Variants in DUSP16 observed in about 807,000 individuals in gnomAD.
The protein encoded by DUSP16 is dual specificity phosphatase 16.
A neutral mutation model predicts 58.3 loss-of-function variants in DUSP16; 21 were observed. The observed-to-expected ratio is 0.36, with a 90% CI of 0.26 to 0.52. The LOEUF (loss-of-function observed/expected upper bound fraction) is 0.52. DUSP16 is among the 20% of genes least tolerant of loss of function. The pLI is 0.94. For synonymous variants in DUSP16, 320 were observed against 323.8 expected (o/e 0.99, Z 0.12); for missense variants, 726 against 819.0 (o/e 0.89, Z 1.39).
intron 4 of DUSP16, among the ~76,000 whole-genome samples, chr12:12,490,553 G>A (rs532131355): frequency 9.2e-5 from 14 of 152,228 alleles, no homozygotes; most frequent in Admixed American, 7.8e-4. Context: ...ATACATACTC[G>A]AAACATCATT....
chr12:12,476,823 G>A lies in DUSP16; in HGVS notation c.*10C>T, dbSNP rs1358532160. On this transcript the variant is annotated 3_prime_UTR_variant, in exon 7 of 7. Coordinates refer to ENST00000298573, the MANE Select transcript of DUSP16 (RefSeq NM_030640.3). ...AAAATTGTCTATAGAAGTCACAAGTGTCTTTCTTCTCAGGAGACCTCAATG... is the reference window on the plus strand; with the variant it reads ...AAAATTGTCTATAGAAGTCACAAGTATCTTTCTTCTCAGGAGACCTCAATG... 3 of 1,567,564 alleles carry A rather than the reference G, an allele frequency of 1.9e-6. No homozygotes were observed. The highest frequency in any genetic ancestry group is 2.6e-6 in the Non-Finnish European group (3 of 1,163,682).
intron 1 of DUSP16, among the ~76,000 whole-genome samples, chr12:12,561,708 G>T (rs927468084): frequency 2.0e-4 from 30 of 152,188 alleles, no homozygotes; most frequent in African/African-American, 6.3e-4. Context: ...GGCGTGTTGT[G>T]TAACAGTCGC....
intron 4 of DUSP16, among the ~76,000 whole-genome samples, chr12:12,492,959 C>G (rs1251786781): frequency 2.0e-5 from 3 of 152,188 alleles, no homozygotes; most frequent in Non-Finnish European, 4.4e-5. Context: ...GGGTCATTCT[C>G]AACTCCCCAG....
rs138331584 is a variant in DUSP16 at position 12,477,809 on chromosome 12, C to A, written c.1022G>T (p.Cys341Phe). Residue 341 changes from cysteine to phenylalanine, a missense_variant, in exon 7 of 7, where the codon TGT (cysteine) becomes TTT (phenylalanine). By Grantham distance (205) the Cys-to-Phe change is radical. Coordinates refer to ENST00000298573, the MANE Select transcript of DUSP16 (RefSeq NM_030640.3). This position sits in a 1 kb window ranked among gnomAD's most constrained non-coding sequence, Gnocchi z 4.1. ...TGCCTCTGAGGTAGCAGAGTCGGCA[C>A]AGGGTGGACTGAGGGGCGTCTCGCT... ...QKSETPLSPP[C>F]ADSATSEAAG... is the part of the protein sequence containing the mutation. The A allele has an allele frequency of 1.2e-6, 2 of 1,613,942 alleles. No homozygotes were observed. The highest frequency in any genetic ancestry group is 3.3e-5 in the Admixed American group (2 of 59,984).
intron 3 of DUSP16, among the ~76,000 whole-genome samples, chr12:12,517,791 T>C (rs1268196419): frequency 1.3e-5 from 2 of 152,236 alleles, no homozygotes; most frequent in Admixed American, 1.3e-4. Context: ...GTGCTACTAA[T>C]ACATTTAATG....
chr12:12,496,403 G>T (rs1943828297), intron 4 of DUSP16, among the ~76,000 whole-genome samples: 1 of 152,160 alleles, frequency 6.6e-6, no homozygotes, highest in African/African-American at 2.4e-5. Context: ...TCTTCCTACT[G>T]TGTACCAGGC....
In DUSP16 at chr12:12,500,626, G is replaced by C; in HGVS notation, c.424C>G (p.Leu142Val). ...GGCTGAGAAATGCAGGTAGGGACTAGAGTGGATTTTCCTTCACAGAGGCCA... is the reference window on the plus strand; with the variant it reads ...GGCTGAGAAATGCAGGTAGGGACTACAGTGGATTTTCCTTCACAGAGGCCA... The part of the protein sequence containing the change: ...FPGLCEGKST[L>V]VPTCISQPCL... Residue 142 changes from leucine to valine, a missense_variant, in exon 4 of 7, where the codon CTA becomes GTA. Transcript: ENST00000298573. The C allele has an allele frequency of 6.2e-7, 1 of 1,609,956 alleles. No homozygotes were observed. Among genetic ancestry groups the C allele is most frequent in the Non-Finnish European group, 8.5e-7 (1 of 1,178,294 alleles).
intron 3 of DUSP16, among the ~76,000 whole-genome samples, chr12:12,509,515 G>C (rs148251875): frequency 6.6e-6 from 1 of 151,496 alleles, no homozygotes. Flanking sequence ...CTTGAGCAGC[G>C]TATCTAGACA....
chr12:12,479,882 T>TCTC (rs920526857), intron 6 of DUSP16, among the ~76,000 whole-genome samples: 2 of 152,142 alleles, frequency 1.3e-5, no homozygotes, highest in African/African-American at 4.8e-5. Flanking sequence ...TATTAGAGCT[T>TCTC]CCCCCCATCA....
rs1161915798 is a variant in DUSP16 at position 12,480,294 on chromosome 12, G to C, written c.744C>G (p.Ile248Met). Residue 248 changes from isoleucine to methionine, a missense_variant, in exon 6 of 7, where the codon ATC becomes ATG. Transcript: ENST00000298573. Reference protein sequence around the residue: ...GCVLVHCLAGISRSATIAIAY... With the variant: ...GCVLVHCLAGMSRSATIAIAY... ...CGATAGCGATGGTGGCGGAGCGGGA[G>C]ATCCCAGCTAAACAGTGCACTAGAA... The C allele has an allele frequency of 6.2e-7, 1 of 1,614,198 alleles. No homozygotes were observed. The highest frequency in any genetic ancestry group is 1.1e-5 in the South Asian group (1 of 91,084).
At chr12:12,497,016 A>G (rs1438917788) in intron 4 of DUSP16, among the ~76,000 whole-genome samples, 1 of 152,226 alleles carries the variant, frequency 6.6e-6, no homozygotes, top group Admixed American at 6.5e-5. Flanking sequence ...ATGGCTACTG[A>G]GCACCTAAAA....
intron 3 of DUSP16, among the ~76,000 whole-genome samples, chr12:12,511,002 G>A (rs1474013384): frequency 6.6e-6 from 1 of 152,172 alleles, no homozygotes; most frequent in African/African-American, 2.4e-5. Context: ...GCCACTGCAG[G>A]GCCTTGTGAA....
intron 3 of DUSP16, among the ~76,000 whole-genome samples, chr12:12,515,762 T>G (rs1944140680): frequency 6.6e-6 from 1 of 152,024 alleles, no homozygotes. Flanking sequence ...ACCTACCCAT[T>G]AATGGTAATA....
At chr12:12,500,402 A>C in intron 4 of DUSP16, 117 bp downstream of exon 4, 1 of 1,235,322 alleles carries the variant, frequency 8.1e-7, no homozygotes, top group Admixed American at 2.8e-5. Flanking sequence ...GAGCACACTG[A>C]GAATGGCATA....
At chr12:12,525,731 T>A (rs905429345) in intron 1 of DUSP16, among the ~76,000 whole-genome samples, 1 of 146,080 alleles carries the variant, frequency 6.8e-6, no homozygotes, top group South Asian at 2.2e-4. Flanking sequence ...AATATATGTA[T>A]ACACACACAC....
rs1943465414 is a variant in DUSP16 at position 12,477,294 on chromosome 12, A to T, written c.1537T>A (p.Tyr513Asn). ...AGGCCGAAAAGGAAGCTGGTGTGGT[A>T]ATTGTCCTCCACGCTCCCACTTCGA... is the stretch of plus-strand genomic sequence containing the variant. Reference protein sequence around the residue: ...LHRSGSVEDNYHTSFLFGLST... With the variant: ...LHRSGSVEDNNHTSFLFGLST... The change falls in exon 7 of 7, where the codon TAC becomes AAC. Residue 513 changes from tyrosine (Y) to asparagine (N), a missense_variant. By Grantham distance (143) the Tyr-to-Asn change is moderately radical (BLOSUM62 -2). Transcript: ENST00000298573. The surrounding 1 kb of genome is among the most constrained non-coding windows in gnomAD (Gnocchi z 4.1). 2 of 1,614,194 alleles carry T rather than the reference A, an allele frequency of 1.2e-6. No homozygotes were observed. Among genetic ancestry groups the T allele is most frequent in the African/African-American group, 1.3e-5 (1 of 75,058 alleles).
At chr12:12,547,991 CT>C (rs562296774) in intron 1 of DUSP16, among the ~76,000 whole-genome samples, 3 of 152,280 alleles carry the variant, frequency 2.0e-5, no homozygotes, top group African/African-American at 7.2e-5. Context: ...TCCAAATCCT[CT>C]TTGGAGTATG....
chr12:12,501,480 TGTAGCCAAA>T (rs1199422016), intron 3 of DUSP16, among the ~76,000 whole-genome samples: 1 of 152,182 alleles, frequency 6.6e-6, no homozygotes, highest in Non-Finnish European at 1.5e-5. Flanking sequence ...GTGAAATCTA[TGTAGCCAAA>T]GGAGGTGCTT....
chr12:12,518,276 A>AG (rs200599487), intron 3 of DUSP16, among the ~76,000 whole-genome samples: 11,229 of 152,248 alleles, frequency 0.074, 480 homozygotes, highest in Non-Finnish European at 0.095. Flanking sequence ...GCACTTTGGG[A>AG]GGCCGAGGCA....
Sources: allele counts gnomAD v4.1 joint callset (sites outside exome capture counted in the v4.1 genomes callset), GRCh38; gene constraint gnomAD v4.1.1; non-coding constraint Gnocchi (gnomAD v3.1); transcripts MANE v1.5; gene names NCBI Gene and HGNC (gene_info 2026-07-23, HGNC 2026-07-21).